SNAP25: variants seen among roughly 807,000 people sequenced by gnomAD.
SNAP25 encodes synaptosome associated protein 25, also known as synaptosomal-associated protein 25.
Under a neutral mutation model 28.7 loss-of-function variants are expected in SNAP25, and 3 were observed. That is an observed-to-expected ratio of 0.10 (90% confidence interval 0.05 to 0.27). The LOEUF (loss-of-function observed/expected upper bound fraction) is 0.27, where lower values mean the gene tolerates loss of function less well. SNAP25 is among the 10% of genes least tolerant of loss of function. The pLI is 1.00. For missense variants in SNAP25, 117 were observed against 278.7 expected (o/e 0.42, Z 4.13); for synonymous variants, 61 against 88.1 (o/e 0.69, Z 1.72).
intron 1 of SNAP25, among the ~76,000 whole-genome samples, chr20:10,225,757 A>G (rs1335942774): frequency 6.6e-6 from 1 of 152,160 alleles, no homozygotes; most frequent in Admixed American, 6.5e-5. Flanking sequence ...CAAAATGACC[A>G]TCTGGTCCCA....
intron 1 of SNAP25, among the ~76,000 whole-genome samples, chr20:10,245,470 G>A (rs889597747): frequency 6.6e-6 from 1 of 152,218 alleles, no homozygotes; most frequent in Non-Finnish European, 1.5e-5. Flanking sequence ...GGCAAAGGAA[G>A]TTTCTGATTG....
At chr20:10,273,883 GC>G (rs2063641699) in intron 1 of SNAP25, among the ~76,000 whole-genome samples, 1 of 152,132 alleles carries the variant, frequency 6.6e-6, no homozygotes, top group African/African-American at 2.4e-5. Flanking sequence ...CGGGCCCTTT[GC>G]CCCCTTCCCT....
At chr20:10,283,702 T>C (rs900211475) in intron 3 of SNAP25, among the ~76,000 whole-genome samples, 5 of 152,232 alleles carry the variant, frequency 3.3e-5, no homozygotes, top group African/African-American at 1.2e-4. Flanking sequence ...AGTACATCAG[T>C]GGAAAATAAG....
At chr20:10,247,467 T>C (rs2063149292) in intron 1 of SNAP25, among the ~76,000 whole-genome samples, 1 of 152,238 alleles carries the variant, frequency 6.6e-6, no homozygotes, top group African/African-American at 2.4e-5. Flanking sequence ...ATTTCAGCTT[T>C]GATAGAGGAA....
chr20:10,284,400 G>A (rs1011908872), intron 3 of SNAP25, among the ~76,000 whole-genome samples: 4 of 152,130 alleles, frequency 2.6e-5, no homozygotes, highest in Non-Finnish European at 5.9e-5. Context: ...CTGTAGACAC[G>A]TTTATTTCCA....
intron 1 of SNAP25, among the ~76,000 whole-genome samples, chr20:10,272,816 A>G (rs1161305541): frequency 6.6e-6 from 1 of 152,106 alleles, no homozygotes; most frequent in Non-Finnish European, 1.5e-5. Flanking sequence ...GCAACCCTGA[A>G]GTTTTGTTAT....
chr20:10,285,982 A>G (rs1206532125), intron 4 of SNAP25, among the ~76,000 whole-genome samples: 2 of 152,224 alleles, frequency 1.3e-5, no homozygotes, highest in African/African-American at 4.8e-5. Flanking sequence ...GTCTTAAAGA[A>G]TAATTTGAAA....
At chr20:10,222,841 G>A (rs1313603056) in intron 1 of SNAP25, among the ~76,000 whole-genome samples, 1 of 152,128 alleles carries the variant, frequency 6.6e-6, no homozygotes, top group Non-Finnish European at 1.5e-5. Context: ...TTCCTGCTTG[G>A]AAGTTAATTG....
intron 1 of SNAP25, among the ~76,000 whole-genome samples, chr20:10,273,305 T>G (rs190924319): frequency 6.1e-4 from 93 of 152,174 alleles, no homozygotes; most frequent in Admixed American, 2.2e-3. Context: ...CAAAAATATG[T>G]TTTTTGGTTA....
At chr20:10,279,034 G>A (rs1016522230) in intron 3 of SNAP25, among the ~76,000 whole-genome samples, 1 of 152,192 alleles carries the variant, frequency 6.6e-6, no homozygotes, top group Non-Finnish European at 1.5e-5. Flanking sequence ...GGCAGCCCTA[G>A]CAAAGCAGGT....
At chr20:10,225,448 C>G (rs2062719149) in intron 1 of SNAP25, among the ~76,000 whole-genome samples, 1 of 152,134 alleles carries the variant, frequency 6.6e-6, no homozygotes, top group African/African-American at 2.4e-5. Context: ...ATTAGCATTT[C>G]CTTCTAAATG....
chr20:10,270,474 G>A (rs1460403496), intron 1 of SNAP25, among the ~76,000 whole-genome samples: 3 of 152,128 alleles, frequency 2.0e-5, no homozygotes, highest in African/African-American at 7.2e-5. Context: ...CAAGGCAGGT[G>A]GATCTCTTGA....
At chr20:10,233,884 C>T (rs2062870683) in intron 1 of SNAP25, among the ~76,000 whole-genome samples, 1 of 152,130 alleles carries the variant, frequency 6.6e-6, no homozygotes, top group Admixed American at 6.6e-5. Flanking sequence ...ATTAGTCCTC[C>T]ACCTTAGGGC....
intron 1 of SNAP25, among the ~76,000 whole-genome samples, chr20:10,258,605 G>C (rs993245205): frequency 1.3e-5 from 2 of 152,188 alleles, no homozygotes; most frequent in Admixed American, 6.5e-5. Flanking sequence ...TCTAATGCAA[G>C]CGCCTTTTAA....
At chr20:10,266,254 T>C (rs1216335833) in intron 1 of SNAP25, among the ~76,000 whole-genome samples, 3 of 152,226 alleles carry the variant, frequency 2.0e-5, no homozygotes, top group Non-Finnish European at 4.4e-5. Context: ...TCAGCAGCAG[T>C]CACTGTGCTT....
intron 1 of SNAP25, among the ~76,000 whole-genome samples, chr20:10,254,587 G>C (rs922312468): frequency 6.6e-6 from 1 of 152,158 alleles, no homozygotes; most frequent in African/African-American, 2.4e-5. Flanking sequence ...AATCCCAAAG[G>C]AGGACGGTCC....
chr20:10,293,001 T>C lies in SNAP25; in HGVS notation c.164-160T>C. The C allele has an allele frequency of 6.3e-7, 1 of 1,589,586 alleles. No homozygotes were observed. The highest frequency in any genetic ancestry group is 8.6e-7 in the Non-Finnish European group (1 of 1,161,342). On this transcript the variant is annotated intron_variant, in intron 4 of 7. Coordinates refer to ENST00000254976, the MANE Select transcript of SNAP25 (RefSeq NM_130811.4). This position sits in a 1 kb window ranked among gnomAD's most constrained non-coding sequence, Gnocchi z 5.6. ...CCTTTTCATATGTCCTTGTAACAAG[T>C]AGGTACTGGGTACCAGCTCTAATCT...
At chr20:10,224,272 T>G in intron 1 of SNAP25, among the ~76,000 whole-genome samples, 1 of 131,126 alleles carries the variant, frequency 7.6e-6, no homozygotes, top group African/African-American at 2.9e-5. Flanking sequence ...TTTTTTTTTT[T>G]TTTTTTTTTT....
At chr20:10,273,290 A>T (rs978576775) in intron 1 of SNAP25, among the ~76,000 whole-genome samples, 82 of 152,332 alleles carry the variant, frequency 5.4e-4, no homozygotes, top group African/African-American at 1.9e-3. Flanking sequence ...CAATAGAAAG[A>T]CAAACAAAAA....
Sources: allele counts gnomAD v4.1 joint callset (sites outside exome capture counted in the v4.1 genomes callset), GRCh38; gene constraint gnomAD v4.1.1; non-coding constraint Gnocchi (gnomAD v3.1); transcripts MANE v1.5; gene names NCBI Gene and HGNC (gene_info 2026-07-23, HGNC 2026-07-21).